Variants in RBPMS2 observed in about 807,000 individuals in gnomAD.
The protein encoded by RBPMS2 is RNA binding protein, mRNA processing factor 2.
In RBPMS2, 14 loss-of-function variants were observed where a neutral mutation model predicts 25.7. That is an observed-to-expected ratio of 0.55 (90% CI 0.36 to 0.85). The LOEUF (loss-of-function observed/expected upper bound fraction) is 0.85. Ranked by LOEUF, RBPMS2 falls within the 40% of genes least tolerant of loss-of-function variation. The pLI is 0.01. For synonymous variants in RBPMS2, 127 were observed against 115.6 expected, an observed-to-expected ratio of 1.10 and a Z score of -0.63; for missense variants, 252 against 283.4, an observed-to-expected ratio of 0.89 and a Z score of 0.80.
chr15:64,748,805 G>C (rs908151718), intron 5 of RBPMS2, among the ~76,000 whole-genome samples, 195 bp downstream of exon 5: 2 of 152,212 alleles, frequency 1.3e-5, no homozygotes, highest in African/African-American at 4.8e-5. Flanking sequence ...AAAGAAGGTT[G>C]CAGGGAAGCT....
chr15:64,756,804 CTCTT>C (rs1453576023), intron 1 of RBPMS2, among the ~76,000 whole-genome samples: 1 of 36,200 alleles, frequency 2.8e-5, no homozygotes, highest in Non-Finnish European at 1.1e-4. Flanking sequence ...CCACGCCCAG[CTCTT>C]TTTTTTTTTT....
At chr15:64,749,988 G>GTAT (rs1470488790) in intron 3 of RBPMS2, among the ~76,000 whole-genome samples, 1 of 151,574 alleles carries the variant, frequency 6.6e-6, no homozygotes, top group Non-Finnish European at 1.5e-5. Context: ...TGGCCTCCTT[G>GTAT]TATTAAAAGC....
rs1452006970 is a variant in RBPMS2, at chr15:64,754,291, GAC to G, written c.88-2655_88-2654del. ...CGCACCACTGCACTCCAGCATGGGC[GAC>G]AGAGTGAGACTCCATCTCAGAAAAA... On this transcript the variant is annotated intron_variant, in intron 1 of 7. Coordinates refer to ENST00000300069, the MANE Select transcript of RBPMS2 (RefSeq NM_194272.3). 6.8e-5 allele frequency among the ~76,000 whole-genome samples: 10 copies of G among 148,104 alleles called. No individual in the cohort carries two copies. The East Asian group carries it at 8.1e-4, about 12-fold the overall frequency.
chr15:64,772,309 A>C (rs750536456), intron 1 of RBPMS2, among the ~76,000 whole-genome samples: 5 of 152,212 alleles, frequency 3.3e-5, no homozygotes, highest in Non-Finnish European at 7.3e-5. Flanking sequence ...TGCCCCGGAC[A>C]GGTTCATGTA....
intron 1 of RBPMS2, among the ~76,000 whole-genome samples, chr15:64,760,937 C>T (rs2083778493): frequency 6.6e-6 from 1 of 151,642 alleles, no homozygotes; most frequent in East Asian, 1.9e-4. Context: ...CCCTAGAGGC[C>T]AACTCTGGCC....
At chr15:64,749,698 A>C (rs1224037858) in intron 3 of RBPMS2, among the ~76,000 whole-genome samples, 1 of 152,178 alleles carries the variant, frequency 6.6e-6, no homozygotes, top group Admixed American at 6.5e-5. Context: ...ACCAAAAGTC[A>C]AGTCTCCCTC....
Position 64,751,335 on chromosome 15 carries a change from G to GTA in RBPMS2, c.165+225_165+226insTA, listed in dbSNP as rs113044919. Among the ~76,000 whole-genome samples the GTA allele has an allele frequency of 1.5e-4, 22 of 145,038 alleles. No individual in the cohort carries two copies. The East Asian group carries it at 2.0e-3, about 13-fold the overall frequency. ...GCGGCAGAGCAAGACTCGTCTCGAG[G>GTA]AAAAAAAAAAAAAGATTCTTACTGT... On this transcript the variant is annotated intron_variant, in intron 2 of 7. Transcript: ENST00000300069.
At position 64,740,847 on chromosome 15, in the gene RBPMS2, A is replaced by AG; in HGVS notation, c.*160dup. The AG allele has an allele frequency of 4.4e-6, 1 of 229,072 alleles. No individual in the cohort carries two copies. Among genetic ancestry groups the AG allele is most frequent in the Non-Finnish European group, 8.8e-6 (1 of 114,140 alleles). The allele number at this position is 229,072 out of a possible 1,614,324, so 14.2% of individuals were successfully genotyped here. A position where few individuals can be genotyped will look rare whatever the true frequency, so the allele number is the denominator to read the frequency against. On this transcript the variant is annotated 3_prime_UTR_variant, in exon 8 of 8. Coordinates refer to ENST00000300069, the MANE Select transcript of RBPMS2 (RefSeq NM_194272.3). Reference sequence around the variant, plus strand: ...CAGAACAAGGTGAGGAAGAGGAGGGAGGGGAACAGGAAGCAGTCCACTGAG... The same window carrying AG: ...CAGAACAAGGTGAGGAAGAGGAGGGAGGGGGAACAGGAAGCAGTCCACTGAG...
Position 64,775,380 on chromosome 15 carries a change from G to C in RBPMS2, c.-61C>G, listed in dbSNP as rs1315538858. On this transcript the variant is annotated 5_prime_UTR_variant, in exon 1 of 8. Transcript: ENST00000300069. Reference sequence around the variant, plus strand: ...GGCGAGCGCGGCGCCGGCCCCGCGGGAAGTGGGAAGGGGCGCGGGGAGCGG... The same window carrying C: ...GGCGAGCGCGGCGCCGGCCCCGCGGCAAGTGGGAAGGGGCGCGGGGAGCGG... The C allele has an allele frequency of 2.9e-6, 3 of 1,021,874 alleles. No individual in the cohort carries two copies. The highest frequency in any genetic ancestry group is 3.8e-6 in the Non-Finnish European group (3 of 799,108). 63.3% of individuals were successfully genotyped at this position (1,021,874 alleles called of 1,614,324 possible). A position where few individuals can be genotyped will look rare whatever the true frequency, so the allele number is the denominator to read the frequency against.
rs753664060 is a variant in RBPMS2, at chr15:64,749,415, T to C, written c.267+16A>G. On this transcript the variant is annotated intron_variant, in intron 4 of 7. Transcript: ENST00000300069. ...AGGGCTGTGAGTCAGAGAAGACCTG[T>C]TCTCCACCTACTCACGTTCAGCGCA... The C allele has an allele frequency of 6.2e-7, 1 of 1,609,676 alleles. No homozygotes were observed. The highest frequency in any genetic ancestry group is 2.2e-5 in the East Asian group (1 of 44,842).
At chr15:64,770,568 A>ACCT (rs1394364512) in intron 1 of RBPMS2, among the ~76,000 whole-genome samples, 10 of 151,982 alleles carry the variant, frequency 6.6e-5, no homozygotes, top group Admixed American at 6.6e-4. Flanking sequence ...GGGGAACCTG[A>ACCT]CCTCCTACTG....
At chr15:64,759,548 GT>G (rs1260795579) in intron 1 of RBPMS2, among the ~76,000 whole-genome samples, 4 of 152,174 alleles carry the variant, frequency 2.6e-5, no homozygotes, top group African/African-American at 9.7e-5. Flanking sequence ...ACTGACATTT[GT>G]TTCAGGATCT....
chr15:64,752,353 A>G (rs1251233514), intron 1 of RBPMS2, among the ~76,000 whole-genome samples: 2 of 152,126 alleles, frequency 1.3e-5, no homozygotes, highest in Non-Finnish European at 2.9e-5. Flanking sequence ...TAAAGGAAAC[A>G]GAGTCCCATG....
chr15:64,751,739 A>G, intron 1 of RBPMS2, 101 bp from the exon 2 acceptor site: 2 of 919,512 alleles, frequency 2.2e-6, no homozygotes, highest in South Asian at 1.4e-5. Flanking sequence ...TCTAGAGCTT[A>G]GAGGAATTCA....
chr15:64,766,470 G>C (rs1214083281), intron 1 of RBPMS2, among the ~76,000 whole-genome samples: 1 of 152,076 alleles, frequency 6.6e-6, no homozygotes, highest in Non-Finnish European at 1.5e-5. Context: ...TGGACAGGCA[G>C]TGGACGGGTT....
At chr15:64,768,488 C>A (rs1030379532) in intron 1 of RBPMS2, among the ~76,000 whole-genome samples, 1 of 152,060 alleles carries the variant, frequency 6.6e-6, no homozygotes, top group South Asian at 2.1e-4. Flanking sequence ...AAATACAAAA[C>A]TTAGCCAGGT....
chr15:64,759,888 G>T (rs986378835), intron 1 of RBPMS2, among the ~76,000 whole-genome samples: 1 of 152,276 alleles, frequency 6.6e-6, no homozygotes, highest in African/African-American at 2.4e-5. Flanking sequence ...GGCCAGGATG[G>T]TCTTGAACTC....
At chr15:64,756,313 T>TGACCTCAAGGAACTCCTTGAGGTGAG (rs2083730810) in intron 1 of RBPMS2, among the ~76,000 whole-genome samples, 1 of 152,048 alleles carries the variant, frequency 6.6e-6, no homozygotes, top group Non-Finnish European at 1.5e-5. Flanking sequence ...GTCAGGAGCT[T>TGACCTCAAGGAACTCCTTGAGGTGAG]GAGACCAGCC....
intron 6 of RBPMS2, among the ~76,000 whole-genome samples, chr15:64,747,627 A>G (rs749041027): frequency 2.4e-4 from 36 of 152,078 alleles, no homozygotes; most frequent in Non-Finnish European, 4.1e-4. Flanking sequence ...CGACACACGC[A>G]CAGTGGGATG....
Sources: gnomAD v4.1 joint callset for allele counts (sites outside exome capture counted in the v4.1 genomes callset) on GRCh38, gnomAD v4.1.1 for gene constraint, MANE v1.5 for transcripts, NCBI Gene and HGNC (gene_info 2026-07-23, HGNC 2026-07-21) for gene names.